The following BFSP2 variants were observed in gnomAD, a reference collection of about 807,000 sequenced individuals.
BFSP2 encodes beaded filament structural protein 2, also known as phakinin.
BFSP2 carries 38 observed loss-of-function variants against 44.9 expected under a neutral mutation model. That is an observed-to-expected ratio of 0.85 (90% CI 0.65 to 1.11). The LOEUF (loss-of-function observed/expected upper bound fraction) is 1.11. BFSP2 is among the 50% of genes least tolerant of loss of function. The probability of loss-of-function intolerance (pLI) is 0.00; values close to 1 mark genes in which losing one functional copy is unlikely to be tolerated. For missense variants in BFSP2, 525 were observed against 533.0 expected (o/e 0.99, Z 0.15); for synonymous variants, 197 against 209.9 (o/e 0.94, Z 0.53).
At position 133,448,618 on chromosome 3, in the gene BFSP2, T is replaced by A. The variant is rs781019303; in HGVS notation, c.702T>A (p.Leu234=). ...ESQIESLKEE[L]GSLSRNYEED... Reference sequence around the variant, plus strand: ...AAATAGAAAGTCTGAAAGAAGAACTTGGCTCTCTATCAAGAAACTATGAAG... The same window carrying A: ...AAATAGAAAGTCTGAAAGAAGAACTAGGCTCTCTATCAAGAAACTATGAAG... The change falls in exon 3 of 7, where the codon CTT becomes CTA. Residue 234 remains leucine (L), a synonymous_variant. Coordinates refer to ENST00000302334, the MANE Select transcript of BFSP2 (RefSeq NM_003571.4). The A allele has an allele frequency of 6.2e-7, 1 of 1,613,846 alleles. No individual in the cohort carries two copies. Among genetic ancestry groups the A allele is most frequent in the Non-Finnish European group, 8.5e-7 (1 of 1,179,916 alleles).
intron 5 of BFSP2, among the ~76,000 whole-genome samples, chr3:133,469,503 T>C (rs1161470133): frequency 6.6e-6 from 1 of 152,198 alleles, no homozygotes; most frequent in Non-Finnish European, 1.5e-5. Flanking sequence ...AAATCAGGAA[T>C]GGAATTCAAG....
chr3:133,448,735 A>C, intron 3 of BFSP2, 90 bp downstream of exon 3: 677 of 1,489,600 alleles, frequency 4.5e-4, no homozygotes, highest in Middle Eastern at 9.3e-4. Flanking sequence ...ACAGTAGCTC[A>C]TTTCTGACTC....
chr3:133,403,992 AG>A (rs908102565), intron 1 of BFSP2, among the ~76,000 whole-genome samples: 15 of 83,026 alleles, frequency 1.8e-4, no homozygotes, highest in East Asian at 5.4e-4. Flanking sequence ...CGTCCTGGGG[AG>A]GGGGGAATCT....
intron 1 of BFSP2, among the ~76,000 whole-genome samples, chr3:133,438,771 A>G (rs1040762174): frequency 6.6e-6 from 1 of 152,248 alleles, no homozygotes; most frequent in Admixed American, 6.5e-5. Flanking sequence ...TGATATATGC[A>G]TAATAGCCTC....
rs561275879 is a variant in BFSP2 at position 133,454,731 on chromosome 3, C to T, written c.891+4267C>T. Among the ~76,000 whole-genome samples the T allele has an allele frequency of 4.6e-5, 7 of 152,276 alleles. No homozygotes were observed. In the East Asian group the frequency reaches 7.7e-4, roughly 17 times the overall value. On this transcript the variant is annotated intron_variant, in intron 4 of 6. Transcript: ENST00000302334. ...CAAATGGAGGAGATGCTTAAGGCAA[C>T]GTATGTGAGAAGGGGCACAGAGTCC...
rs2107923105 is a variant in BFSP2, at chr3:133,447,406, T to C, written c.572+7T>C. ...CAGATGACTTTAAAGAGAGGTAATG[T>C]CTTACAGCAGAGGCGACAGTCCCTC... On this transcript the variant is annotated splice_region_variant and intron_variant, in intron 2 of 6. Coordinates refer to ENST00000302334, the MANE Select transcript of BFSP2 (RefSeq NM_003571.4). The C allele has an allele frequency of 6.2e-7, 1 of 1,613,584 alleles. No individual in the cohort carries two copies. Among genetic ancestry groups the C allele is most frequent in the Non-Finnish European group, 8.5e-7 (1 of 1,179,716 alleles).
chr3:133,443,014 C>A (rs781490598), intron 1 of BFSP2, among the ~76,000 whole-genome samples: 1 of 151,988 alleles, frequency 6.6e-6, no homozygotes, highest in Non-Finnish European at 1.5e-5. Flanking sequence ...CGTGCAACCA[C>A]GCCCAGCTAA....
chr3:133,417,823 CCCTCTCCTCTCTACTCACCCGT>C lies in BFSP2; in HGVS notation c.489+17259_489+17280del, dbSNP rs199866788. ...ATCCTCTCCATTTTACTCACCCCTG[CCCTCTCCTCTCTACTCACCCGT>C]CCTCTCCCCTCTACTCACCTCTGTC... On this transcript the variant is annotated intron_variant, in intron 1 of 6. Transcript: ENST00000302334. Among the ~76,000 whole-genome samples the C allele has an allele frequency of 3.7e-5, 5 of 134,136 alleles. No homozygotes were observed. The East Asian group carries it at 1.3e-3, about 34-fold the overall frequency. The allele number at this position is 134,136 out of a possible 152,430, so 88.0% of individuals were successfully genotyped here.
chr3:133,400,289 T>G lies in BFSP2; in HGVS notation c.206T>G (p.Leu69Trp). 1 of 1,613,986 alleles carries G rather than the reference T, an allele frequency of 6.2e-7. No individual in the cohort carries two copies. Among genetic ancestry groups the G allele is most frequent in the Non-Finnish European group, 8.5e-7 (1 of 1,180,016 alleles). Reference protein sequence around the residue: ...GTAPSGCIGGLGARVTRRALG... With the variant: ...GTAPSGCIGGWGARVTRRALG... ...GCACCCAGTGGGTGCATAGGTGGCTTGGGTGCCCGTGTGACCCGCCGGGCC... is the reference window on the plus strand; with the variant it reads ...GCACCCAGTGGGTGCATAGGTGGCTGGGGTGCCCGTGTGACCCGCCGGGCC... Residue 69 changes from leucine (L) to tryptophan (W), a missense_variant, in exon 1 of 7, where the codon TTG (leucine) becomes TGG (tryptophan). Leu to Trp is a moderately conservative substitution (Grantham distance 61, BLOSUM62 -2). Transcript: ENST00000302334. The surrounding 1 kb of genome is among the most constrained non-coding windows in gnomAD (Gnocchi z 4.0).
At chr3:133,454,538 A>G (rs769402869) in intron 4 of BFSP2, among the ~76,000 whole-genome samples, 10 of 152,194 alleles carry the variant, frequency 6.6e-5, no homozygotes, top group Non-Finnish European at 1.5e-4. Context: ...TTCAGATGAC[A>G]AGTCTGGCCC....
intron 4 of BFSP2, among the ~76,000 whole-genome samples, chr3:133,459,105 G>A (rs1052626972): frequency 2.6e-5 from 4 of 152,094 alleles, no homozygotes; most frequent in South Asian, 2.1e-4. Context: ...TTTGGAATGC[G>A]GAGGCAGGAG....
intron 1 of BFSP2, among the ~76,000 whole-genome samples, chr3:133,443,333 G>A (rs2073863601): frequency 6.6e-6 from 1 of 152,190 alleles, no homozygotes; most frequent in Admixed American, 6.5e-5. Context: ...TTAAATCTGT[G>A]TGGATAGATC....
At chr3:133,414,251 G>C (rs11711011) in intron 1 of BFSP2, among the ~76,000 whole-genome samples, 19,144 of 21,692 alleles carry the variant, frequency 0.88, 8,535 homozygotes, top group Non-Finnish European at 0.93. Flanking sequence ...CCCCTGTCCT[G>C]TCCCCCCTAC....
intron 1 of BFSP2, among the ~76,000 whole-genome samples, chr3:133,403,561 T>C (rs1471742449): frequency 2.0e-5 from 3 of 152,196 alleles, no homozygotes; most frequent in African/African-American, 7.2e-5. Flanking sequence ...AGTCACTCAA[T>C]AGCACGGTGG....
intron 1 of BFSP2, among the ~76,000 whole-genome samples, chr3:133,430,965 A>G (rs2107904942): frequency 1.3e-5 from 2 of 152,268 alleles, no homozygotes; most frequent in South Asian, 4.2e-4. Context: ...TACTCTTAAA[A>G]AGGTGGCTGG....
chr3:133,437,729 G>A (rs1176921291), intron 1 of BFSP2, among the ~76,000 whole-genome samples: 1 of 152,186 alleles, frequency 6.6e-6, no homozygotes. Flanking sequence ...TTCAAACATG[G>A]GGGTAATGGA....
intron 4 of BFSP2, among the ~76,000 whole-genome samples, chr3:133,457,294 C>A (rs1474693703): frequency 6.6e-6 from 1 of 152,232 alleles, no homozygotes; most frequent in Non-Finnish European, 1.5e-5. Context: ...ATCTTCATAT[C>A]TCTGAATCTC....
intron 4 of BFSP2, among the ~76,000 whole-genome samples, chr3:133,456,894 A>G (rs1323933603): frequency 6.6e-6 from 1 of 152,084 alleles, no homozygotes; most frequent in Non-Finnish European, 1.5e-5. Context: ...GAAACCTTGA[A>G]TAGCATCTCT....
chr3:133,407,731 T>G (rs2073416068), intron 1 of BFSP2, among the ~76,000 whole-genome samples: 1 of 152,180 alleles, frequency 6.6e-6, no homozygotes, highest in Non-Finnish European at 1.5e-5. Context: ...AGCTCTACTG[T>G]GTTTGGAAAT....
Sources: gnomAD v4.1 joint callset for allele counts (sites outside exome capture counted in the v4.1 genomes callset) on GRCh38, gnomAD v4.1.1 for gene constraint, Gnocchi (gnomAD v3.1) non-coding constraint, MANE v1.5 for transcripts, NCBI Gene and HGNC (gene_info 2026-07-23, HGNC 2026-07-21) for gene names.